EPM2A: variants seen among roughly 807,000 people sequenced by gnomAD.
The protein encoded by EPM2A is EPM2A glucan phosphatase, laforin, also known as laforin.
A neutral mutation model predicts 26.5 loss-of-function variants in EPM2A; 21 were observed. That is an observed-to-expected ratio of 0.79 (90% CI 0.56 to 1.14). EPM2A has a LOEUF of 1.14. Ranked by LOEUF, EPM2A falls within the 50% of genes most tolerant of loss-of-function variation. The pLI, the probability that EPM2A is intolerant of heterozygous loss-of-function variation, is 0.00. For synonymous variants in EPM2A, 217 were observed against 177.6 expected, an observed-to-expected ratio of 1.22 and a Z score of -1.76; for missense variants, 458 against 440.8, an observed-to-expected ratio of 1.04 and a Z score of -0.35.
At chr6:145,460,256 T>C (rs1273203638) in intron 4 of EPM2A, among the ~76,000 whole-genome samples, 1 of 152,184 alleles carries the variant, frequency 6.6e-6, no homozygotes, top group Admixed American at 6.6e-5. Context: ...CCAAGAGTTC[T>C]ATTCAAATAT....
At chr6:145,449,787 T>A (rs1461004249) in intron 4 of EPM2A, among the ~76,000 whole-genome samples, 1 of 152,240 alleles carries the variant, frequency 6.6e-6, no homozygotes, top group Admixed American at 6.5e-5. Context: ...AAGAATTTCC[T>A]TTAAGCTTTG....
At chr6:145,520,471 C>T (rs1407832836) in intron 2 of EPM2A, among the ~76,000 whole-genome samples, 3 of 152,204 alleles carry the variant, frequency 2.0e-5, no homozygotes, top group Non-Finnish European at 4.4e-5. Flanking sequence ...TCACTGGTGC[C>T]TGCTACTCTT....
At chr6:145,595,412 TAA>T (rs543385559) in intron 2 of EPM2A, among the ~76,000 whole-genome samples, 1 of 145,436 alleles carries the variant, frequency 6.9e-6, no homozygotes, top group African/African-American at 2.5e-5. Context: ...ATCTTTTACT[TAA>T]AAAAAAAAAA....
At chr6:145,595,508 G>T (rs565035771) in intron 2 of EPM2A, among the ~76,000 whole-genome samples, 1 of 150,294 alleles carries the variant, frequency 6.7e-6, no homozygotes, top group Admixed American at 6.6e-5. Flanking sequence ...TTTAATTGCA[G>T]TTTAGACAGA....
intron 2 of EPM2A, among the ~76,000 whole-genome samples, chr6:145,677,035 T>G (rs1315084366): frequency 6.6e-6 from 1 of 152,182 alleles, no homozygotes; most frequent in Non-Finnish European, 1.5e-5. Flanking sequence ...AAATCCTCAG[T>G]AAAATACTGG....
intron 4 of EPM2A, among the ~76,000 whole-genome samples, chr6:145,403,619 G>T (rs561519612): frequency 2.0e-5 from 3 of 152,126 alleles, no homozygotes; most frequent in Admixed American, 6.6e-5. Flanking sequence ...TGACTGAATG[G>T]TACTTCACTG....
chr6:145,585,283 A>T (rs1249591226), intron 2 of EPM2A, among the ~76,000 whole-genome samples: 6 of 152,118 alleles, frequency 3.9e-5, no homozygotes, highest in Non-Finnish European at 8.8e-5. Flanking sequence ...TATAGTTTTC[A>T]TCACCTTTGG....
intron 1 of EPM2A, among the ~76,000 whole-genome samples, chr6:145,712,189 T>C (rs1484475022): frequency 1.3e-5 from 2 of 152,202 alleles, no homozygotes; most frequent in African/African-American, 2.4e-5. Context: ...GGTGAGATGA[T>C]GGTGAAGATG....
intron 2 of EPM2A, among the ~76,000 whole-genome samples, chr6:145,642,961 G>A (rs112247462): frequency 6.6e-6 from 1 of 152,128 alleles, no homozygotes; most frequent in African/African-American, 2.4e-5. Context: ...GGTGACTCTG[G>A]CAGTGATATG....
chr6:145,491,275 ACT>A (rs1370696193), intron 4 of EPM2A: 2 of 358,532 alleles, frequency 5.6e-6, no homozygotes, highest in African/African-American at 4.3e-5. Flanking sequence ...GCTGAGGCAA[ACT>A]CTACTCATTG....
intron 2 of EPM2A, among the ~76,000 whole-genome samples, chr6:145,563,672 T>C (rs1780841324): frequency 6.6e-6 from 1 of 152,194 alleles, no homozygotes; most frequent in Non-Finnish European, 1.5e-5. Flanking sequence ...CATTATTTTA[T>C]TTATTTTGAG....
intron 4 of EPM2A, among the ~76,000 whole-genome samples, chr6:145,394,475 A>G (rs1377642289): frequency 1.3e-5 from 2 of 152,078 alleles, no homozygotes; most frequent in Non-Finnish European, 2.9e-5. Flanking sequence ...ATATAAGACA[A>G]TATCCCCTCA....
intron 4 of EPM2A, among the ~76,000 whole-genome samples, chr6:145,464,976 T>C (rs947204713): frequency 1.3e-5 from 2 of 151,990 alleles, no homozygotes; most frequent in African/African-American, 4.8e-5. Context: ...TCCCGAGGAG[T>C]ATCTTTGTGG....
At chr6:145,706,110 A>G (rs904934865) in intron 1 of EPM2A, among the ~76,000 whole-genome samples, 1 of 152,224 alleles carries the variant, frequency 6.6e-6, no homozygotes, top group Non-Finnish European at 1.5e-5. Context: ...AATGTTTGTG[A>G]GTATAAATTA....
intron 4 of EPM2A, among the ~76,000 whole-genome samples, chr6:145,457,764 C>T (rs13197662): frequency 3.3e-5 from 5 of 152,110 alleles, no homozygotes; most frequent in African/African-American, 4.8e-5. Context: ...GCTCATTTTT[C>T]TTCTGAGCAG....
At chr6:145,658,764 C>A (rs1265114336) in intron 2 of EPM2A, among the ~76,000 whole-genome samples, 1 of 152,096 alleles carries the variant, frequency 6.6e-6, no homozygotes, top group African/African-American at 2.4e-5. Flanking sequence ...ATTCAAATCT[C>A]AAAAATGGTT....
chr6:145,598,541 C>G (rs1421794938), intron 2 of EPM2A, among the ~76,000 whole-genome samples: 2 of 152,108 alleles, frequency 1.3e-5, no homozygotes, highest in East Asian at 3.9e-4. Flanking sequence ...AATATTTTCT[C>G]TCATTCTCTA....
At chr6:145,705,484 G>A (rs188847096) in intron 1 of EPM2A, 3 of 443,376 alleles carry the variant, frequency 6.8e-6, no homozygotes, top group Non-Finnish European at 1.4e-5. Context: ...GAGCCAGAGA[G>A]GTCTAGGCTG....
chr6:145,484,990 A>AATAT (rs35889967), intron 4 of EPM2A, among the ~76,000 whole-genome samples: 36 of 146,630 alleles, frequency 2.5e-4, no homozygotes, highest in African/African-American at 8.5e-4. Flanking sequence ...ATGACATTAA[A>AATAT]ATATATATAT....
Sources: gnomAD v4.1 joint callset for allele counts (sites outside exome capture counted in the v4.1 genomes callset) on GRCh38, gnomAD v4.1.1 for gene constraint, MANE v1.5 for transcripts, NCBI Gene and HGNC (gene_info 2026-07-23, HGNC 2026-07-21) for gene names.